Variants in RSBN1L observed in about 807,000 individuals in gnomAD.
RSBN1L encodes lysine-specific demethylase RSBN1L.
In RSBN1L, 30 loss-of-function variants were observed where a neutral mutation model predicts 67.7. The observed-to-expected ratio is 0.44, with a 90% confidence interval of 0.33 to 0.60. The LOEUF (loss-of-function observed/expected upper bound fraction) is 0.60, where lower values mean the gene tolerates loss of function less well. Among genes scored for constraint, RSBN1L ranks in the 20% least tolerant of loss-of-function variants. RSBN1L has a pLI of 0.02. For missense variants in RSBN1L, 992 were observed against 1,031.7 expected, an observed-to-expected ratio of 0.96 and a Z score of 0.53; for synonymous variants, 433 against 387.0, an observed-to-expected ratio of 1.12 and a Z score of -1.39.
At chr7:77,701,024 G>A (rs147167274) in intron 1 of RSBN1L, among the ~76,000 whole-genome samples, 3 of 151,920 alleles carry the variant, frequency 2.0e-5, no homozygotes, top group Admixed American at 6.6e-5. Flanking sequence ...CGGGTGTGGC[G>A]GCACGCACCT....
intron 1 of RSBN1L, among the ~76,000 whole-genome samples, chr7:77,719,772 A>C (rs1791091800): frequency 6.6e-6 from 1 of 152,138 alleles, no homozygotes; most frequent in South Asian, 2.1e-4. Context: ...TATTTAAAAA[A>C]ATTTTTTTTA....
rs1339336356 is a variant in RSBN1L at position 77,749,406 on chromosome 7, A to G, written c.704-18A>G. On this transcript the variant is annotated intron_variant, in intron 2 of 7. Coordinates refer to ENST00000334955, the MANE Select transcript of RSBN1L (RefSeq NM_198467.3). ...AGTAATTAAAATATGGAGTTTCAAA[A>G]AACATTTTTTCCAACAGGTGGGAAG... is the stretch of plus-strand genomic sequence containing the variant. 27 of 1,505,110 alleles carry G rather than the reference A, an allele frequency of 1.8e-5. No homozygotes were observed. The highest frequency in any genetic ancestry group is 2.4e-5 in the Non-Finnish European group (27 of 1,128,998). The allele number at this position is 1,505,110 out of a possible 1,614,324, so 93.2% of individuals were successfully genotyped here.
intron 3 of RSBN1L, chr7:77,759,883 A>G (rs1791676863): frequency 6.6e-6 from 1 of 152,228 alleles, no homozygotes; most frequent in South Asian, 2.1e-4. Flanking sequence ...CAGAAACTTT[A>G]ATAGCCAGTG....
intron 3 of RSBN1L, among the ~76,000 whole-genome samples, chr7:77,754,254 G>A (rs1429787325): frequency 6.6e-6 from 1 of 152,148 alleles, no homozygotes. Flanking sequence ...TGTTCTTCAA[G>A]ATTTCCTTGG....
rs191029213 is a variant in RSBN1L at position 77,776,473 on chromosome 7, G to T, written c.1794-1865G>T. 3.9e-4 allele frequency among the ~76,000 whole-genome samples: 59 copies of T among 152,252 alleles called. No individual in the cohort carries two copies. In the Middle Eastern group the frequency reaches 0.01, roughly 26 times the overall value. The stretch of plus-strand genomic sequence containing the variant: ...CTAGGCAAGCACTAATTTACTTTCT[G>T]TCTGTAGGTATATGTCTATTCTTAA... On this transcript the variant is annotated intron_variant, in intron 6 of 7. Coordinates refer to ENST00000334955, the MANE Select transcript of RSBN1L (RefSeq NM_198467.3).
intron 5 of RSBN1L, among the ~76,000 whole-genome samples, chr7:77,770,347 C>G (rs1265775898): frequency 6.6e-6 from 1 of 151,780 alleles, no homozygotes; most frequent in Non-Finnish European, 1.5e-5. Context: ...TGCACTCCAG[C>G]CTGGCCGATA....
chr7:77,768,844 T>C, intron 5 of RSBN1L, 41 bp downstream of exon 5: 1 of 1,588,224 alleles, frequency 6.3e-7, no homozygotes, highest in Non-Finnish European at 8.6e-7. Flanking sequence ...GATGAGTGTT[T>C]GTATGTTGGG....
At chr7:77,720,058 C>G (rs1416347574) in intron 1 of RSBN1L, among the ~76,000 whole-genome samples, 3 of 152,170 alleles carry the variant, frequency 2.0e-5, no homozygotes, top group Non-Finnish European at 4.4e-5. Context: ...GCCACTGTTC[C>G]CAGCTGTATG....
chr7:77,726,430 C>A (rs1006000905), intron 1 of RSBN1L, among the ~76,000 whole-genome samples: 1 of 152,110 alleles, frequency 6.6e-6, no homozygotes, highest in East Asian at 1.9e-4. Context: ...CGTCTCCCAA[C>A]TGGGATTTGT....
chr7:77,703,082 A>G (rs117140138), intron 1 of RSBN1L, among the ~76,000 whole-genome samples: 252 of 152,272 alleles, frequency 1.7e-3, no homozygotes, highest in Admixed American at 3.1e-3. Flanking sequence ...TCATGGGGGA[A>G]GAAAGCTACA....
At chr7:77,778,227 T>TG (rs1167113150) in intron 6 of RSBN1L, 111 bp from the exon 7 acceptor site, 4 of 648,240 alleles carry the variant, frequency 6.2e-6, no homozygotes, top group Non-Finnish European at 7.7e-6. Flanking sequence ...ACTTTATTTG[T>TG]AAGACAGTAC....
chr7:77,725,265 T>TTTTTTTTTTTTTTTTTTTTTC (rs1791184148), intron 1 of RSBN1L, among the ~76,000 whole-genome samples: 1 of 141,540 alleles, frequency 7.1e-6, no homozygotes, highest in Non-Finnish European at 1.5e-5. Flanking sequence ...TTTTTTTTTT[T>TTTTTTTTTTTTTTTTTTTTTC]GAGATGGAAT....
intron 1 of RSBN1L, among the ~76,000 whole-genome samples, chr7:77,715,478 A>T (rs1203260631): frequency 6.6e-6 from 1 of 151,840 alleles, no homozygotes; most frequent in Admixed American, 6.6e-5. Context: ...GTAATTTTTT[A>T]AAAATTTTTA....
intron 2 of RSBN1L, among the ~76,000 whole-genome samples, chr7:77,739,670 C>G (rs1240461109): frequency 8.0e-6 from 1 of 124,422 alleles, no homozygotes; most frequent in Non-Finnish European, 1.6e-5. Context: ...GATTGTGCCA[C>G]TGCACTCCAG....
intron 1 of RSBN1L, among the ~76,000 whole-genome samples, chr7:77,718,445 C>G (rs1791076016): frequency 6.6e-6 from 1 of 152,064 alleles, no homozygotes; most frequent in Admixed American, 6.6e-5. Context: ...TGCACGACCA[C>G]ACCTGGCTAA....
intron 1 of RSBN1L, among the ~76,000 whole-genome samples, chr7:77,714,488 T>C (rs1791020019): frequency 6.6e-6 from 1 of 152,206 alleles, no homozygotes; most frequent in African/African-American, 2.4e-5. Context: ...TTTTCACTTG[T>C]TATATTACTT....
At chr7:77,748,254 C>T (rs1274154814) in intron 2 of RSBN1L, among the ~76,000 whole-genome samples, 1 of 151,902 alleles carries the variant, frequency 6.6e-6, no homozygotes, top group Non-Finnish European at 1.5e-5. Flanking sequence ...AGCTGTTAGA[C>T]CAAAAATTAA....
chr7:77,720,079 T>A (rs1040429288), intron 1 of RSBN1L, among the ~76,000 whole-genome samples: 1 of 152,228 alleles, frequency 6.6e-6, no homozygotes, highest in African/African-American at 2.4e-5. Context: ...TGTCCTTTTT[T>A]ATTTTCCTCT....
At chr7:77,768,834 G>T (rs1425193236) in intron 5 of RSBN1L, 31 bp downstream of exon 5, 3 of 1,606,678 alleles carry the variant, frequency 1.9e-6, no homozygotes, top group Non-Finnish European at 1.7e-6. Context: ...TATTGGAGGG[G>T]ATGAGTGTTT....
Sources: allele counts gnomAD v4.1 joint callset (sites outside exome capture counted in the v4.1 genomes callset), GRCh38; gene constraint gnomAD v4.1.1; transcripts MANE v1.5; gene names NCBI Gene and HGNC (gene_info 2026-07-23, HGNC 2026-07-21).